Variants in ZFP90 observed in about 807,000 individuals in gnomAD.
The protein encoded by ZFP90 is zinc finger protein 90 homolog.
ZFP90 carries 38 observed loss-of-function variants against 60.8 expected under a neutral mutation model. The ratio of observed to expected loss-of-function variants is 0.62; its 90% confidence interval spans 0.48 to 0.82. ZFP90 has a LOEUF of 0.82. Among genes scored for constraint, ZFP90 ranks in the 40% least tolerant of loss-of-function variants. ZFP90 has a pLI of 0.00. For missense variants in ZFP90, 711 were observed against 759.1 expected, an observed-to-expected ratio of 0.94 and a Z score of 0.74; for synonymous variants, 287 against 264.8, an observed-to-expected ratio of 1.08 and a Z score of -0.82.
At position 68,566,220 on chromosome 16, in the gene ZFP90, A is replaced by G. The variant is rs2091524656; in HGVS notation, c.*1522A>G. 1.8e-5 allele frequency: 18 copies of G among 985,578 alleles called. No homozygotes were observed. Among genetic ancestry groups the G allele is most frequent in the Non-Finnish European group, 2.2e-5 (18 of 829,950 alleles). The allele number at this position is 985,578 out of a possible 1,614,324, so 61.1% of individuals were successfully genotyped here. ...CCTGCTCCATCCCCTAATGACTCCC[A>G]TGGGCTATCCTAAAGGAACTTCCAG... On this transcript the variant is annotated 3_prime_UTR_variant, in exon 5 of 5. Coordinates refer to ENST00000563169, the MANE Select transcript of ZFP90 (RefSeq NM_001305203.2).
chr16:68,573,005 C>G (rs766513772), intron 2 of ZFP90, among the ~76,000 whole-genome samples: 3 of 152,224 alleles, frequency 2.0e-5, no homozygotes, highest in Non-Finnish European at 4.4e-5. Flanking sequence ...TCAGAGATCA[C>G]AAGTCAGGAT....
At chr16:68,543,840 T>G (rs889133708) in intron 2 of ZFP90, among the ~76,000 whole-genome samples, 2 of 149,902 alleles carry the variant, frequency 1.3e-5, no homozygotes, top group Non-Finnish European at 3.0e-5. Flanking sequence ...ATTATAGGCG[T>G]GAGCCACTGT....
intron 2 of ZFP90, among the ~76,000 whole-genome samples, chr16:68,552,924 C>T (rs1328605337): frequency 6.6e-6 from 1 of 152,096 alleles, no homozygotes; most frequent in Non-Finnish European, 1.5e-5. Context: ...TGGTGGCACA[C>T]ACCTGTGGTC....
chr16:68,542,251 A>G (rs1003999672), intron 2 of ZFP90, among the ~76,000 whole-genome samples: 2 of 152,170 alleles, frequency 1.3e-5, no homozygotes, highest in East Asian at 1.9e-4. Context: ...GGACCAGGAC[A>G]TTCTGCCGGT....
In ZFP90 at chr16:68,563,249, T is replaced by C. The variant is rs1447403356; in HGVS notation, c.462T>C (p.Asn154=). 2.5e-6 allele frequency: 4 copies of C among 1,613,230 alleles called. No homozygotes were observed. The highest frequency in any genetic ancestry group is 3.4e-6 in the Non-Finnish European group (4 of 1,179,728). The change falls in exon 5 of 5, where the codon AAT becomes AAC. Residue 154 remains asparagine (N), a synonymous_variant. Coordinates refer to ENST00000563169, the MANE Select transcript of ZFP90 (RefSeq NM_001305203.2). ...TQKKIITPQE[N]FEQNKFGENS... ...AGAAAATAATTACACCACAAGAAAA[T>C]TTTGAGCAAAATAAATTTGGTGAAA...
In ZFP90 at chr16:68,562,791, T is replaced by C. The variant is rs1449745361; in HGVS notation, c.257-253T>C. The C allele has an allele frequency of 2.3e-5, 17 of 733,958 alleles. No homozygotes were observed. The East Asian group carries it at 4.3e-4, about 19-fold the overall frequency. The allele number at this position is 733,958 out of a possible 1,614,324, so 45.5% of individuals were successfully genotyped here. A position where few individuals can be genotyped will look rare whatever the true frequency, so the allele number is the denominator to read the frequency against. ...TGCCTAACACAGTCCTGCTCACTTA[T>C]TTCCTTATTTTCTAACCAACCCTCC... On this transcript the variant is annotated intron_variant, in intron 4 of 4. Transcript: ENST00000563169.
Position 68,553,188 on chromosome 16 carries a change from G to A in ZFP90, c.34-4810G>A, listed in dbSNP as rs116381870. On this transcript the variant is annotated intron_variant, in intron 2 of 4. Coordinates refer to ENST00000563169, the MANE Select transcript of ZFP90 (RefSeq NM_001305203.2). ...TACATTCTGCTTTGGGATATAGACC[G>A]TAAACATGATATGTCAGGTGGCAAA... 5.0e-3 allele frequency among the ~76,000 whole-genome samples: 756 copies of A among 152,256 alleles called. 11 individuals are homozygous for A. The highest frequency in any genetic ancestry group is 0.017 in the African/African-American group (705 of 41,532).
At chr16:68,540,232 A>G (rs539531170) in intron 2 of ZFP90, among the ~76,000 whole-genome samples, 5 of 152,268 alleles carry the variant, frequency 3.3e-5, no homozygotes, top group Admixed American at 1.3e-4. Context: ...CCCAGGGCCC[A>G]TAGAGAGTCC....
At chr16:68,539,547 G>T (rs958582539) in intron 1 of ZFP90, 68 bp downstream of exon 1, 4 of 503,222 alleles carry the variant, frequency 7.9e-6, no homozygotes, top group Non-Finnish European at 7.0e-6. Context: ...CCACCACCCT[G>T]CGAAGGGGAC....
chr16:68,571,434 C>T (rs1023604087), downstream of ZFP90, among the ~76,000 whole-genome samples: 3 of 152,232 alleles, frequency 2.0e-5, no homozygotes, highest in African/African-American at 7.2e-5. Context: ...GTTGTATGTG[C>T]CTCTGTGAAT....
intron 2 of ZFP90, among the ~76,000 whole-genome samples, chr16:68,547,258 C>G (rs912573018): frequency 1.3e-5 from 2 of 152,190 alleles, no homozygotes; most frequent in Non-Finnish European, 2.9e-5. Context: ...CCACATCCCC[C>G]CAACCCTTGT....
In ZFP90 at chr16:68,565,510, A is replaced by G. The variant is rs2091511520; in HGVS notation, c.*812A>G. Reference sequence around the variant, plus strand: ...GCTTACAAACCACAATTTAACAGAAACTGTAGATGGTTGAACTACTAGTGA... The same window carrying G: ...GCTTACAAACCACAATTTAACAGAAGCTGTAGATGGTTGAACTACTAGTGA... On this transcript the variant is annotated 3_prime_UTR_variant, in exon 5 of 5. Coordinates refer to ENST00000563169, the MANE Select transcript of ZFP90 (RefSeq NM_001305203.2). 3.0e-6 allele frequency: 3 copies of G among 985,428 alleles called. No individual in the cohort carries two copies. The highest frequency in any genetic ancestry group is 3.6e-6 in the Non-Finnish European group (3 of 829,940). 61.0% of individuals were successfully genotyped at this position (985,428 alleles called of 1,614,324 possible). A position where few individuals can be genotyped will look rare whatever the true frequency, so the allele number is the denominator to read the frequency against.
chr16:68,574,500 A>AT (rs1486373159), intron 2 of ZFP90, among the ~76,000 whole-genome samples: 2 of 151,636 alleles, frequency 1.3e-5, no homozygotes, highest in Non-Finnish European at 2.9e-5. Flanking sequence ...GAAAAAAAAA[A>AT]AATTATTCCC....
At chr16:68,536,938 C>G (rs1432792327), upstream of ZFP90, among the ~76,000 whole-genome samples, 7 of 152,174 alleles carry the variant, frequency 4.6e-5, no homozygotes, top group Non-Finnish European at 7.3e-5. Flanking sequence ...CTTGTTCCAT[C>G]AAGTCCCAGT....
At position 68,556,635 on chromosome 16, in the gene ZFP90, C is replaced by G. The variant is rs371205496; in HGVS notation, c.34-1363C>G. Reference sequence around the variant, plus strand: ...AAAGTCCCTGTTCCCATGGAACTTACAGTGGAGAGACAGACAATAGGGTAA... The same window carrying G: ...AAAGTCCCTGTTCCCATGGAACTTAGAGTGGAGAGACAGACAATAGGGTAA... On this transcript the variant is annotated intron_variant, in intron 2 of 4. Coordinates refer to ENST00000563169, the MANE Select transcript of ZFP90 (RefSeq NM_001305203.2). Among the ~76,000 whole-genome samples the G allele has an allele frequency of 8.5e-5, 13 of 152,300 alleles. 1 individual carries two copies. Among genetic ancestry groups the G allele is most frequent in the African/African-American group, 2.4e-4 (10 of 41,568 alleles).
At chr16:68,537,733 T>C (rs1399113860), upstream of ZFP90, among the ~76,000 whole-genome samples, 5 of 151,774 alleles carry the variant, frequency 3.3e-5, no homozygotes, top group Non-Finnish European at 7.4e-5. Context: ...AACCAGTTAA[T>C]GTTTGTATTT....
intron 4 of ZFP90, among the ~76,000 whole-genome samples, chr16:68,559,350 C>A (rs902907299): frequency 7.2e-5 from 11 of 152,124 alleles, no homozygotes; most frequent in African/African-American, 2.7e-4. Flanking sequence ...CACCTTTCAT[C>A]CCCCACCAGT....
chr16:68,537,086 A>T (rs1728797), upstream of ZFP90, among the ~76,000 whole-genome samples: 116,359 of 151,774 alleles, frequency 0.77, 44,687 homozygotes, highest in East Asian at 0.82. Flanking sequence ...TCAGCCTGGA[A>T]TTCTTTTCCC....
At chr16:68,536,917 A>G (rs1235847519), upstream of ZFP90, among the ~76,000 whole-genome samples, 1 of 151,730 alleles carries the variant, frequency 6.6e-6, no homozygotes, top group African/African-American at 2.4e-5. Context: ...CCTCATCACA[A>G]CCTCCAAAGC....
Sources: gnomAD v4.1 joint callset for allele counts (sites outside exome capture counted in the v4.1 genomes callset) on GRCh38, gnomAD v4.1.1 for gene constraint, MANE v1.5 for transcripts, NCBI Gene and HGNC (gene_info 2026-07-23, HGNC 2026-07-21) for gene names.